The following SLCO3A1 variants were observed in gnomAD, a reference collection of about 807,000 sequenced individuals.
SLCO3A1 encodes the protein PGE1 transporter.
In SLCO3A1, 27 loss-of-function variants were observed where a neutral mutation model predicts 63.1. The observed-to-expected ratio is 0.43, with a 90% CI of 0.32 to 0.59. The LOEUF is 0.59. Ranked by LOEUF, SLCO3A1 falls within the 20% of genes least tolerant of loss-of-function variation. SLCO3A1 has a pLI of 0.09. For missense variants in SLCO3A1, 773 were observed against 945.8 expected (o/e 0.82, Z 2.40); for synonymous variants, 473 against 409.9 (o/e 1.15, Z -1.86).
intron 6 of SLCO3A1, among the ~76,000 whole-genome samples, chr15:92,127,373 C>A (rs112842998): frequency 9.6e-6 from 1 of 104,080 alleles, no homozygotes; most frequent in Non-Finnish European, 2.2e-5. Context: ...TATCCTACAT[C>A]ACACAGCCCT....
At chr15:92,151,965 T>A (rs2048311318) in intron 9 of SLCO3A1, among the ~76,000 whole-genome samples, 2 of 152,326 alleles carry the variant, frequency 1.3e-5, no homozygotes, top group East Asian at 3.9e-4. Flanking sequence ...TCAGTTATGG[T>A]CTATAATCGC....
intron 2 of SLCO3A1, among the ~76,000 whole-genome samples, chr15:91,980,241 G>A (rs577263974): frequency 1.4e-4 from 21 of 152,108 alleles, no homozygotes; most frequent in African/African-American, 4.8e-4. Flanking sequence ...AGCTGCCCAA[G>A]GGACATACAT....
intron 2 of SLCO3A1, among the ~76,000 whole-genome samples, chr15:92,027,131 G>A (rs1177061338): frequency 2.0e-5 from 3 of 151,932 alleles, no homozygotes; most frequent in Non-Finnish European, 2.9e-5. Flanking sequence ...TAAACAGATG[G>A]TGAGCTTTGA....
In SLCO3A1 at chr15:91,956,757, A is replaced by G. The variant is rs1597155141; in HGVS notation, c.646+40299A>G. ...AGCCCCCATGATCTCTGTTCCCTGG[A>G]CTTGCTGTGGCCTTGCCTTGCCTTC... On this transcript the variant is annotated intron_variant, in intron 2 of 9. Coordinates refer to ENST00000318445, the MANE Select transcript of SLCO3A1 (RefSeq NM_013272.4). Among the ~76,000 whole-genome samples, 4 of 142,592 alleles carry G rather than the reference A, an allele frequency of 2.8e-5. No homozygotes were observed. In the Admixed American group the frequency reaches 2.8e-4, roughly 10 times the overall value. 93.5% of individuals were successfully genotyped at this position (142,592 alleles called of 152,430 possible). A position where few individuals can be genotyped will look rare whatever the true frequency, so the allele number is the denominator to read the frequency against.
chr15:92,081,479 C>T (rs910637675), intron 2 of SLCO3A1, among the ~76,000 whole-genome samples: 1 of 152,084 alleles, frequency 6.6e-6, no homozygotes, highest in Non-Finnish European at 1.5e-5. Context: ...AGGCAATTCT[C>T]CCTGCTTCAG....
chr15:91,853,980 G>C lies in SLCO3A1; in HGVS notation c.72G>C (p.Gln24His), dbSNP rs745833449. Residue 24 changes from glutamine (Q) to histidine (H), a missense_variant, in exon 1 of 10, where the codon CAG (glutamine) becomes CAC (histidine). Gln to His is a conservative substitution (Grantham distance 24). Around this residue, in one of 3 missense-constraint regions of SLCO3A1, gnomAD observed 69 missense variants for 64.6 expected, o/e 1.07. Transcript: ENST00000318445. Reference sequence around the variant, plus strand: ...GCGAGCTGCAGGGGGACGAGGCGCAGAGGAACAAGAAAAAGAAAAAGAAGG... The same window carrying C: ...GCGAGCTGCAGGGGGACGAGGCGCACAGGAACAAGAAAAAGAAAAAGAAGG... ...RSGELQGDEA[Q>H]RNKKKKKKVS... The C allele has an allele frequency of 4.6e-6, 7 of 1,521,650 alleles. No homozygotes were observed. In the African/African-American group the frequency reaches 1.0e-4, roughly 22 times the overall value. The allele number at this position is 1,521,650 out of a possible 1,614,324, so 94.3% of individuals were successfully genotyped here.
intron 1 of SLCO3A1, among the ~76,000 whole-genome samples, chr15:91,913,437 A>G (rs1192618699): frequency 6.6e-6 from 1 of 152,228 alleles, no homozygotes; most frequent in African/African-American, 2.4e-5. Context: ...AGACCAGTTC[A>G]GTCAGAACCT....
chr15:92,101,914 C>T (rs1217505340), intron 3 of SLCO3A1, among the ~76,000 whole-genome samples: 2 of 152,164 alleles, frequency 1.3e-5, no homozygotes, highest in South Asian at 2.1e-4. Context: ...CACATACCTA[C>T]AGGAAGCAAG....
intron 1 of SLCO3A1, among the ~76,000 whole-genome samples, chr15:91,907,099 G>C (rs183545961): frequency 4.4e-4 from 67 of 152,174 alleles, no homozygotes; most frequent in Non-Finnish European, 8.2e-4. Flanking sequence ...CTAAGAAATG[G>C]AGTATAGAGG....
chr15:92,134,739 T>C (rs1479115748), intron 7 of SLCO3A1, among the ~76,000 whole-genome samples: 2 of 152,218 alleles, frequency 1.3e-5, no homozygotes, highest in African/African-American at 4.8e-5. Context: ...ACTTTTCCAA[T>C]GAGGAACAGA....
intron 1 of SLCO3A1, among the ~76,000 whole-genome samples, chr15:91,902,711 G>T (rs1397838441): frequency 6.6e-6 from 1 of 151,982 alleles, no homozygotes; most frequent in African/African-American, 2.4e-5. Context: ...GAGAGGATTT[G>T]CCAGGCTTCT....
At position 92,128,440 on chromosome 15, in the gene SLCO3A1, C is replaced by A; in HGVS notation, c.1463C>A (p.Ala488Glu). 5.0e-6 allele frequency: 8 copies of A among 1,614,072 alleles called. No individual in the cohort carries two copies. The highest frequency in any genetic ancestry group is 6.8e-6 in the Non-Finnish European group (8 of 1,179,986). Residue 488 changes from alanine to glutamate, a missense_variant, in exon 7 of 10, where the codon GCA becomes GAA. Around this residue, in one of 3 missense-constraint regions of SLCO3A1, gnomAD observed 565 missense variants for 749.8 expected, o/e 0.75. Coordinates refer to ENST00000318445, the MANE Select transcript of SLCO3A1 (RefSeq NM_013272.4). ...GATTCCTTCACTCCAGTGTGTGGGGCAGATGGCATCACCTACCTGTCTGCC... is the reference window on the plus strand; with the variant it reads ...GATTCCTTCACTCCAGTGTGTGGGGAAGATGGCATCACCTACCTGTCTGCC... Reference protein sequence around the residue: ...QTDSFTPVCGADGITYLSACF... With the variant: ...QTDSFTPVCGEDGITYLSACF...
intron 2 of SLCO3A1, among the ~76,000 whole-genome samples, chr15:92,081,941 T>G (rs2047351478): frequency 1.3e-5 from 2 of 152,228 alleles, no homozygotes; most frequent in South Asian, 4.1e-4. Flanking sequence ...GGTCAACAGG[T>G]GCAGTAATGT....
At chr15:92,036,527 A>G (rs1283621833) in intron 2 of SLCO3A1, among the ~76,000 whole-genome samples, 2 of 152,136 alleles carry the variant, frequency 1.3e-5, no homozygotes, top group East Asian at 3.9e-4. Context: ...GCTTAACCCA[A>G]CCTCTTTACA....
At chr15:92,045,970 G>T (rs1398162406) in intron 2 of SLCO3A1, among the ~76,000 whole-genome samples, 2 of 152,110 alleles carry the variant, frequency 1.3e-5, no homozygotes, top group Non-Finnish European at 2.9e-5. Context: ...ACACCGGTGC[G>T]CATCTGTGGG....
Position 92,143,902 on chromosome 15 carries a change from C to T in SLCO3A1, c.1513-3082C>T, listed in dbSNP as rs555200618. Among the ~76,000 whole-genome samples the T allele has an allele frequency of 6.6e-5, 10 of 152,322 alleles. No individual in the cohort carries two copies. The South Asian group carries it at 2.1e-3, about 32-fold the overall frequency. On this transcript the variant is annotated intron_variant, in intron 7 of 9. Coordinates refer to ENST00000318445, the MANE Select transcript of SLCO3A1 (RefSeq NM_013272.4). ...CATCCCAGGAAGCTGTGCGGCATGG[C>T]TGCTCAGGAGATCTGATGGGCACTC...
intron 10 of SLCO3A1, chr15:92,171,672 T>C (rs1305783803): frequency 3.8e-6 from 3 of 794,958 alleles, no homozygotes; most frequent in South Asian, 1.5e-5. Flanking sequence ...CTCTTGTCCC[T>C]TCACTGCAAA....
intron 8 of SLCO3A1, among the ~76,000 whole-genome samples, chr15:92,147,820 T>G (rs1223331270): frequency 1.3e-5 from 2 of 152,122 alleles, no homozygotes; most frequent in African/African-American, 4.8e-5. Flanking sequence ...ATATTCTGAG[T>G]AACTTTTATC....
chr15:92,115,842 A>T (rs1289284275), intron 4 of SLCO3A1, among the ~76,000 whole-genome samples: 1 of 143,034 alleles, frequency 7.0e-6, no homozygotes, highest in Non-Finnish European at 1.5e-5. Context: ...AAAAAAATGG[A>T]CTAAGTCCCA....
Sources: gnomAD v4.1 joint callset for allele counts (sites outside exome capture counted in the v4.1 genomes callset) on GRCh38, gnomAD v4.1.1 for gene constraint, gnomAD v4.1.1 regional missense constraint, MANE v1.5 for transcripts, NCBI Gene and HGNC (gene_info 2026-07-23, HGNC 2026-07-21) for gene names.